SPIDR: variants seen among roughly 807,000 people sequenced by gnomAD.
The protein encoded by SPIDR is DNA repair-scaffolding protein.
Under a neutral mutation model 104.6 loss-of-function variants are expected in SPIDR, and 93 were observed. That is an observed-to-expected ratio of 0.89 (90% confidence interval 0.75 to 1.06). The LOEUF (loss-of-function observed/expected upper bound fraction) is 1.06, where lower values mean the gene tolerates loss of function less well. SPIDR is among the 50% of genes least tolerant of loss of function. The pLI is 0.00. For missense variants in SPIDR, 1,154 were observed against 1,111.2 expected (o/e 1.04, Z -0.55); for synonymous variants, 431 against 416.9 (o/e 1.03, Z -0.41).
At chr8:47,634,997 A>G (rs559338381) in intron 10 of SPIDR, among the ~76,000 whole-genome samples, 40 of 152,330 alleles carry the variant, frequency 2.6e-4, no homozygotes, top group African/African-American at 9.1e-4. Flanking sequence ...CTTTTCTTGA[A>G]AATGGAGTCC....
chr8:47,480,134 T>C (rs2076732616), intron 8 of SPIDR, among the ~76,000 whole-genome samples: 1 of 152,182 alleles, frequency 6.6e-6, no homozygotes, highest in African/African-American at 2.4e-5. Flanking sequence ...CCACTACTCA[T>C]GAGAGCCTGC....
intron 8 of SPIDR, among the ~76,000 whole-genome samples, chr8:47,595,083 G>A (rs999977578): frequency 3.3e-5 from 5 of 152,110 alleles, no homozygotes; most frequent in Non-Finnish European, 5.9e-5. Flanking sequence ...GTTTTAGCCT[G>A]TTGGTCTCTT....
chr8:47,655,859 G>A (rs984333044), intron 10 of SPIDR, among the ~76,000 whole-genome samples: 3 of 152,216 alleles, frequency 2.0e-5, no homozygotes, highest in Admixed American at 1.3e-4. Flanking sequence ...ATGGTTTTGG[G>A]TCTAACATTT....
chr8:47,702,333 A>G (rs552700772), intron 14 of SPIDR, among the ~76,000 whole-genome samples: 5 of 152,248 alleles, frequency 3.3e-5, no homozygotes, highest in African/African-American at 1.2e-4. Flanking sequence ...CCTGTCCCCA[A>G]AGCTTCTCAG....
chr8:47,710,528 G>A (rs1261665604), intron 14 of SPIDR, among the ~76,000 whole-genome samples: 1 of 151,522 alleles, frequency 6.6e-6, no homozygotes, highest in African/African-American at 2.4e-5. Context: ...GAATGCAATG[G>A]TGCAATCTCA....
At position 47,736,007 on chromosome 8, in the gene SPIDR, GT is replaced by G. The variant is rs1219371198; in HGVS notation, c.*558del. On this transcript the variant is annotated 3_prime_UTR_variant, in exon 20 of 20. Coordinates refer to ENST00000297423, the MANE Select transcript of SPIDR (RefSeq NM_001080394.4). The stretch of plus-strand genomic sequence containing the variant: ...ATAAAGTGTAGCTCTCTGAACTGGT[GT>G]GATCGTGTCTCTGCTGAATGGTGGT... 5.6e-6 allele frequency: 1 copy of G among 179,814 alleles called. No homozygotes were observed. The highest frequency in any genetic ancestry group is 1.2e-5 in the Non-Finnish European group (1 of 83,986). The allele number at this position is 179,814 out of a possible 1,614,324, so 11.1% of individuals were successfully genotyped here. A position where few individuals can be genotyped will look rare whatever the true frequency, so the allele number is the denominator to read the frequency against.
intron 16 of SPIDR, among the ~76,000 whole-genome samples, chr8:47,716,021 A>G (rs1309848192): frequency 2.0e-5 from 3 of 148,334 alleles, no homozygotes; most frequent in Admixed American, 6.8e-5. Flanking sequence ...CTGGAGTGCA[A>G]TGGCATGATC....
chr8:47,518,582 A>G (rs1394072008), intron 8 of SPIDR, among the ~76,000 whole-genome samples: 1 of 151,390 alleles, frequency 6.6e-6, no homozygotes. Flanking sequence ...AGTGACAGCC[A>G]CTCGCTAGAA....
At position 47,520,056 on chromosome 8, in the gene SPIDR, A is replaced by G. The variant is rs150379529; in HGVS notation, c.1098-75755A>G. 2.9e-3 allele frequency among the ~76,000 whole-genome samples: 438 copies of G among 152,340 alleles called. 4 individuals are homozygous for G. Among genetic ancestry groups the G allele is most frequent in the Non-Finnish European group, 5.3e-3 (363 of 68,032 alleles). On this transcript the variant is annotated intron_variant, in intron 8 of 19. Coordinates refer to ENST00000297423, the MANE Select transcript of SPIDR (RefSeq NM_001080394.4). ...GTGGGAGGAAAGGGGTTAGCTACCA[A>G]TAATCTTATAGCCTGAACTTGACTA... is the stretch of plus-strand genomic sequence containing the variant.
At position 47,501,118 on chromosome 8, in the gene SPIDR, G is replaced by C. The variant is rs181899361; in HGVS notation, c.1097+60576G>C. Among the ~76,000 whole-genome samples the C allele has an allele frequency of 3.1e-3, 465 of 152,130 alleles. 1 individual carries two copies. Among genetic ancestry groups the C allele is most frequent in the African/African-American group, 0.011 (454 of 41,516 alleles). ...TTCTTTTGGCTTAGGATTGACTTGG[G>C]GATCCGGACTCTTTTTTGGTTCCAT... On this transcript the variant is annotated intron_variant, in intron 8 of 19. Coordinates refer to ENST00000297423, the MANE Select transcript of SPIDR (RefSeq NM_001080394.4).
intron 6 of SPIDR, among the ~76,000 whole-genome samples, chr8:47,402,949 C>G (rs2062117924): frequency 1.3e-5 from 2 of 152,148 alleles, no homozygotes; most frequent in Non-Finnish European, 1.5e-5. Flanking sequence ...ATGCAAAAAT[C>G]CTCAATAAAA....
chr8:47,481,270 G>C (rs1482514723), intron 8 of SPIDR, among the ~76,000 whole-genome samples: 2 of 152,214 alleles, frequency 1.3e-5, no homozygotes, highest in Non-Finnish European at 2.9e-5. Flanking sequence ...TGGGGAAAGA[G>C]ATATATAATT....
chr8:47,731,872 T>C (rs937811036), intron 19 of SPIDR, among the ~76,000 whole-genome samples: 10 of 152,160 alleles, frequency 6.6e-5, no homozygotes, highest in Admixed American at 2.0e-4. Context: ...AGGGAACACA[T>C]CTTGATGGAG....
At chr8:47,456,074 G>T (rs2072913396) in intron 8 of SPIDR, among the ~76,000 whole-genome samples, 2 of 152,140 alleles carry the variant, frequency 1.3e-5, no homozygotes, top group South Asian at 2.1e-4. Flanking sequence ...CATTGTCTGG[G>T]TTAGACCATA....
At chr8:47,723,461 G>A (rs1325306033) in intron 16 of SPIDR, among the ~76,000 whole-genome samples, 8 of 127,830 alleles carry the variant, frequency 6.3e-5, no homozygotes, top group Admixed American at 1.9e-4. Context: ...AAGGAGTCTC[G>A]CTCTGTCGCC....
chr8:47,375,663 G>A (rs1305516492), intron 5 of SPIDR, among the ~76,000 whole-genome samples: 1 of 152,106 alleles, frequency 6.6e-6, no homozygotes, highest in African/African-American at 2.4e-5. Flanking sequence ...GCAGTGTCTG[G>A]CTGTGTTGCA....
chr8:47,311,476 A>G (rs2044140691), intron 5 of SPIDR, among the ~76,000 whole-genome samples: 3 of 152,324 alleles, frequency 2.0e-5, no homozygotes, highest in Admixed American at 1.3e-4. Flanking sequence ...AGATAAATAC[A>G]ATAAAATAAC....
intron 7 of SPIDR, among the ~76,000 whole-genome samples, chr8:47,410,294 C>T (rs2063326607): frequency 6.6e-6 from 1 of 151,830 alleles, no homozygotes; most frequent in African/African-American, 2.4e-5. Context: ...CGATTCTCCT[C>T]CTCAACCCCC....
chr8:47,545,002 T>C (rs2088986381), intron 8 of SPIDR, among the ~76,000 whole-genome samples: 1 of 152,154 alleles, frequency 6.6e-6, no homozygotes, highest in Non-Finnish European at 1.5e-5. Context: ...TTCATTAGCA[T>C]TTTGTAGCTT....
Sources: allele counts gnomAD v4.1 joint callset (sites outside exome capture counted in the v4.1 genomes callset), GRCh38; gene constraint gnomAD v4.1.1; transcripts MANE v1.5; gene names NCBI Gene and HGNC (gene_info 2026-07-23, HGNC 2026-07-21).